SPIN1: variants seen among roughly 807,000 people sequenced by gnomAD.
SPIN1 encodes the protein spindlin-1.
Under a neutral mutation model 26.0 loss-of-function variants are expected in SPIN1, and 3 were observed. The ratio of observed to expected loss-of-function variants is 0.12; its 90% CI spans 0.05 to 0.30. The LOEUF is 0.30. SPIN1 is among the 10% of genes least tolerant of loss of function. The probability of loss-of-function intolerance (pLI) is 1.00; values close to 1 mark genes in which losing one functional copy is unlikely to be tolerated. For synonymous variants in SPIN1, 101 were observed against 116.5 expected, an observed-to-expected ratio of 0.87 and a Z score of 0.86; for missense variants, 126 against 333.4, an observed-to-expected ratio of 0.38 and a Z score of 4.84.
chr9:88,408,314 C>T (rs1326084355), intron 1 of SPIN1, among the ~76,000 whole-genome samples: 1 of 148,300 alleles, frequency 6.7e-6, no homozygotes, highest in Non-Finnish European at 1.5e-5. Flanking sequence ...TCTTCTCAGT[C>T]CCTTACCCTT....
At chr9:88,446,283 TC>T (rs1484106480) in intron 2 of SPIN1, among the ~76,000 whole-genome samples, 1 of 152,222 alleles carries the variant, frequency 6.6e-6, no homozygotes, top group South Asian at 2.1e-4. Flanking sequence ...GTTTGGCTTT[TC>T]CCTTTACAGT....
At chr9:88,408,557 A>G (rs1185020653) in intron 1 of SPIN1, among the ~76,000 whole-genome samples, 1 of 150,614 alleles carries the variant, frequency 6.6e-6, no homozygotes, top group African/African-American at 2.4e-5. Flanking sequence ...TTGTATTTTT[A>G]GGAGAGACAG....
chr9:88,413,319 A>G (rs1827494286), intron 1 of SPIN1, among the ~76,000 whole-genome samples: 1 of 150,118 alleles, frequency 6.7e-6, no homozygotes, highest in African/African-American at 2.5e-5. Context: ...TGGCCTCCTA[A>G]AGTGTTGGCC....
intron 1 of SPIN1, among the ~76,000 whole-genome samples, chr9:88,413,064 AG>A: frequency 1.4e-5 from 2 of 142,020 alleles, no homozygotes; most frequent in South Asian, 4.4e-4. Context: ...ATTAAAATTA[AG>A]TTTTTTTTTT....
chr9:88,388,774 T>TACTCCTCCGTGCCCCC (rs1826846209), intron 1 of SPIN1, among the ~76,000 whole-genome samples: 1 of 149,554 alleles, frequency 6.7e-6, no homozygotes, highest in Non-Finnish European at 1.5e-5. Flanking sequence ...CGCCGGCCCC[T>TACTCCTCCGTGCCCCC]ACTCCTCCGT....
intron 2 of SPIN1, among the ~76,000 whole-genome samples, chr9:88,437,000 C>T (rs1405361803): frequency 1.3e-5 from 2 of 151,700 alleles, no homozygotes; most frequent in Non-Finnish European, 2.9e-5. Flanking sequence ...CTCCTGACCT[C>T]GTGATCCGCC....
chr9:88,453,230 T>A (rs1054099701), intron 3 of SPIN1, among the ~76,000 whole-genome samples: 1 of 152,152 alleles, frequency 6.6e-6, no homozygotes, highest in Middle Eastern at 3.2e-3. Flanking sequence ...GATGGTACTT[T>A]CAGAACTTCT....
intron 1 of SPIN1, among the ~76,000 whole-genome samples, chr9:88,413,184 A>C (rs560937532): frequency 6.7e-6 from 1 of 148,614 alleles, no homozygotes; most frequent in African/African-American, 2.5e-5. Context: ...CTCCTGCCTC[A>C]GCCTCCTGAG....
chr9:88,449,869 A>G (rs886721269), intron 3 of SPIN1, among the ~76,000 whole-genome samples: 4 of 152,174 alleles, frequency 2.6e-5, no homozygotes, highest in Non-Finnish European at 5.9e-5. Flanking sequence ...TTGAAAGTGT[A>G]TGCCCCTTAG....
intron 1 of SPIN1, chr9:88,389,352 C>T (rs1451603556): frequency 1.3e-5 from 2 of 152,154 alleles, no homozygotes; most frequent in Non-Finnish European, 2.9e-5. Flanking sequence ...CGCAGCGCCT[C>T]GGGTTTGGCT....
At chr9:88,474,496 G>A (rs1828850381) in intron 5 of SPIN1, among the ~76,000 whole-genome samples, 1 of 152,150 alleles carries the variant, frequency 6.6e-6, no homozygotes, top group South Asian at 2.1e-4. Flanking sequence ...TTAAATTTTG[G>A]AACTGAGTTA....
chr9:88,411,754 A>T (rs750018268), intron 1 of SPIN1, among the ~76,000 whole-genome samples: 1 of 152,058 alleles, frequency 6.6e-6, no homozygotes, highest in Non-Finnish European at 1.5e-5. Flanking sequence ...GGCTCAAGCA[A>T]TCCTCCCTCC....
intron 2 of SPIN1, among the ~76,000 whole-genome samples, chr9:88,428,062 G>A (rs1296851797): frequency 6.6e-6 from 1 of 152,140 alleles, no homozygotes; most frequent in Non-Finnish European, 1.5e-5. Flanking sequence ...ATTGCTGCCA[G>A]GTGTTTATTG....
At chr9:88,416,423 T>C (rs2117982910) in intron 1 of SPIN1, among the ~76,000 whole-genome samples, 1 of 152,226 alleles carries the variant, frequency 6.6e-6, no homozygotes, top group East Asian at 1.9e-4. Context: ...ATTCTTGGGC[T>C]CATGGGATCC....
At chr9:88,414,145 C>T (rs11142288) in intron 1 of SPIN1, among the ~76,000 whole-genome samples, 29,222 of 152,016 alleles carry the variant, frequency 0.19, 3,702 homozygotes, top group African/African-American at 0.37. Flanking sequence ...GGGTATTAAC[C>T]GGGAAAGCTC....
chr9:88,420,698 ATTAAGT>A (rs1827652215), intron 1 of SPIN1, among the ~76,000 whole-genome samples: 1 of 152,174 alleles, frequency 6.6e-6, no homozygotes, highest in African/African-American at 2.4e-5. Context: ...TACAATGAAG[ATTAAGT>A]TTAGAGGGAT....
At chr9:88,425,919 C>T (rs921163637) in intron 1 of SPIN1, among the ~76,000 whole-genome samples, 1 of 152,138 alleles carries the variant, frequency 6.6e-6, no homozygotes. Context: ...GTGCTGCCCC[C>T]GTGCTGTCCT....
At chr9:88,440,386 T>C (rs1489014943) in intron 2 of SPIN1, among the ~76,000 whole-genome samples, 1 of 152,226 alleles carries the variant, frequency 6.6e-6, no homozygotes, top group Admixed American at 6.5e-5. Flanking sequence ...CTCGGACTCC[T>C]GAGCTCAAGC....
At chr9:88,412,052 G>A (rs1467410678) in intron 1 of SPIN1, among the ~76,000 whole-genome samples, 1 of 151,692 alleles carries the variant, frequency 6.6e-6, no homozygotes, top group African/African-American at 2.4e-5. Flanking sequence ...TGTGGTGGGC[G>A]CCTGTAGTCC....
Sources: allele counts gnomAD v4.1 joint callset (sites outside exome capture counted in the v4.1 genomes callset), GRCh38; gene constraint gnomAD v4.1.1; transcripts MANE v1.5; gene names NCBI Gene and HGNC (gene_info 2026-07-23, HGNC 2026-07-21).